Variants in ZMYM4 observed in about 807,000 individuals in gnomAD.
The protein encoded by ZMYM4 is zinc finger MYM-type protein 4.
A neutral mutation model predicts 183.2 loss-of-function variants in ZMYM4; 31 were observed. The observed-to-expected ratio is 0.17, with a 90% CI of 0.13 to 0.23. The LOEUF (loss-of-function observed/expected upper bound fraction) is 0.23, where lower values mean the gene tolerates loss of function less well. ZMYM4 is among the 10% of genes least tolerant of loss of function. The pLI, the probability that ZMYM4 is intolerant of heterozygous loss-of-function variation, is 1.00. For synonymous variants in ZMYM4, 592 were observed against 631.2 expected (o/e 0.94, Z 0.93); for missense variants, 1,273 against 1,840.3 (o/e 0.69, Z 5.64).
At chr1:35,378,590 G>A (rs1019968222) in intron 7 of ZMYM4, among the ~76,000 whole-genome samples, 3 of 152,108 alleles carry the variant, frequency 2.0e-5, no homozygotes, top group African/African-American at 7.2e-5. Flanking sequence ...TCTTTTAAGT[G>A]TCCTGGGATT....
chr1:35,343,485 T>C (rs1336243725), intron 2 of ZMYM4, among the ~76,000 whole-genome samples: 1 of 152,224 alleles, frequency 6.6e-6, no homozygotes, highest in Non-Finnish European at 1.5e-5. Flanking sequence ...TTTTTGAGTC[T>C]ATTTTTGGAC....
intron 9 of ZMYM4, among the ~76,000 whole-genome samples, chr1:35,384,510 G>A (rs989835402): frequency 9.2e-5 from 14 of 152,086 alleles, no homozygotes; most frequent in Admixed American, 3.3e-4. Context: ...ATCCCTAATT[G>A]GGTGAAGACT....
chr1:35,335,580 G>A (rs1350009466), intron 2 of ZMYM4, among the ~76,000 whole-genome samples: 1 of 151,794 alleles, frequency 6.6e-6, no homozygotes, highest in Non-Finnish European at 1.5e-5. Flanking sequence ...TGTTGTATGC[G>A]GTTCTTGTTT....
intron 7 of ZMYM4, 62 bp from the exon 8 acceptor site, chr1:35,381,197 T>C (rs1558128520): frequency 7.4e-7 from 1 of 1,346,262 alleles, no homozygotes; most frequent in Non-Finnish European, 1.0e-6. Flanking sequence ...TTATTTTAGC[T>C]CACAGAAAGG....
At chr1:35,305,148 A>G (rs1641477570) in intron 1 of ZMYM4, among the ~76,000 whole-genome samples, 1 of 152,116 alleles carries the variant, frequency 6.6e-6, no homozygotes, top group Admixed American at 6.5e-5. Flanking sequence ...CCAGCCCACA[A>G]GTAAACTTTA....
chr1:35,391,108 A>G (rs568269738), intron 15 of ZMYM4, among the ~76,000 whole-genome samples: 2 of 152,352 alleles, frequency 1.3e-5, no homozygotes, highest in South Asian at 4.1e-4. Context: ...CTGTAAAGGA[A>G]TTTACCAAGA....
chr1:35,386,983 T>G lies in ZMYM4; in HGVS notation c.1837-20T>G. The G allele has an allele frequency of 6.2e-7, 1 of 1,607,210 alleles. No individual in the cohort carries two copies. The highest frequency in any genetic ancestry group is 8.5e-7 in the Non-Finnish European group (1 of 1,175,586). The stretch of plus-strand genomic sequence containing the variant: ...TTAACAAAGATTAAATTGATACTTT[T>G]TGTTGTTTTGTTTTTCCAGAATTTA... On this transcript the variant is annotated intron_variant, in intron 11 of 29. Coordinates refer to ENST00000314607, the MANE Select transcript of ZMYM4 (RefSeq NM_005095.3).
intron 1 of ZMYM4, among the ~76,000 whole-genome samples, chr1:35,297,493 T>C (rs1275556408): frequency 6.8e-6 from 1 of 146,092 alleles, no homozygotes; most frequent in African/African-American, 2.6e-5. Context: ...AAAAAAAAAA[T>C]GTATATATAT....
rs183226660 is a variant in ZMYM4, at chr1:35,350,144, T to C, written c.86-8781T>C. On this transcript the variant is annotated intron_variant, in intron 2 of 29. Transcript: ENST00000314607. ...TGCCTGGCTTGTTTTTTAATTTTAT[T>C]TGTAGAGACGAGGTCTTGCTGTGTT... 1.2e-3 allele frequency among the ~76,000 whole-genome samples: 185 copies of C among 150,972 alleles called. 1 individual carries two copies. The highest frequency in any genetic ancestry group is 3.9e-3 in the African/African-American group (162 of 41,148).
chr1:35,269,074 C>A lies in ZMYM4; in HGVS notation c.28C>A (p.Pro10Thr), dbSNP rs1405457970. 3 of 1,549,478 alleles carry A rather than the reference C, an allele frequency of 1.9e-6. No individual in the cohort carries two copies. The Admixed American group carries it at 5.9e-5, about 30-fold the overall frequency. Residue 10 changes from proline to threonine, a missense_variant, in exon 1 of 30, where the codon CCC becomes ACC. Coordinates refer to ENST00000314607, the MANE Select transcript of ZMYM4 (RefSeq NM_005095.3). MAEREVESG[P>T]RKRFEQKSGA... ...GGCGGAGAGAGAGGTGGAGTCCGGCCCCCGAAAGAGGGTAGGTGAGGTGAG... is the reference window on the plus strand; with the variant it reads ...GGCGGAGAGAGAGGTGGAGTCCGGCACCCGAAAGAGGGTAGGTGAGGTGAG...
chr1:35,390,596 G>A (rs1012278236), intron 15 of ZMYM4, among the ~76,000 whole-genome samples: 2 of 152,108 alleles, frequency 1.3e-5, no homozygotes, highest in Non-Finnish European at 2.9e-5. Context: ...GGCAGGAACC[G>A]GCCATCTGGA....
intron 1 of ZMYM4, among the ~76,000 whole-genome samples, chr1:35,299,172 T>G (rs1641158614): frequency 6.6e-6 from 1 of 151,972 alleles, no homozygotes; most frequent in South Asian, 2.1e-4. Flanking sequence ...CTGGTGTAGT[T>G]TTGAGAGATA....
chr1:35,341,822 G>A (rs899132559), intron 2 of ZMYM4, among the ~76,000 whole-genome samples: 1 of 152,088 alleles, frequency 6.6e-6, no homozygotes, highest in Non-Finnish European at 1.5e-5. Flanking sequence ...GGGGCTGATT[G>A]TAGTTGGTTT....
At chr1:35,299,544 T>A (rs1431233913) in intron 1 of ZMYM4, among the ~76,000 whole-genome samples, 2 of 152,168 alleles carry the variant, frequency 1.3e-5, no homozygotes, top group African/African-American at 4.8e-5. Context: ...GAGGCTGAAG[T>A]TAAGTTACAA....
Position 35,381,554 on chromosome 1 carries a change from T to G in ZMYM4, c.1365T>G (p.His455Gln). 1 of 1,614,200 alleles carries G rather than the reference T, an allele frequency of 6.2e-7. No homozygotes were observed. Among genetic ancestry groups the G allele is most frequent in the Non-Finnish European group, 8.5e-7 (1 of 1,180,014 alleles). ...SMCQKNAVIR[H>Q]EVNYQNVVHK... ...TGTTATTTAATTTCTAGATTCGACA[T>G]GAAGTTAATTACCAGAATGTGGTCC... The change falls in exon 9 of 30, where the codon CAT becomes CAG. Residue 455 changes from histidine (H) to glutamine (Q), a missense_variant. Physicochemically the swap from His to Gln is conservative, Grantham distance 24 (BLOSUM62 0). Transcript: ENST00000314607.
intron 1 of ZMYM4, among the ~76,000 whole-genome samples, chr1:35,311,144 G>T (rs1315177264): frequency 6.6e-6 from 1 of 152,036 alleles, no homozygotes; most frequent in Non-Finnish European, 1.5e-5. Flanking sequence ...AGAAGGCCAG[G>T]CATTGTGGCT....
At chr1:35,374,027 T>C (rs1644278380) in intron 7 of ZMYM4, among the ~76,000 whole-genome samples, 1 of 137,106 alleles carries the variant, frequency 7.3e-6, no homozygotes, top group Non-Finnish European at 1.6e-5. Context: ...TTCTTTTTTT[T>C]TTTTTTTTTT....
chr1:35,306,711 T>A (rs1411978980), intron 1 of ZMYM4, among the ~76,000 whole-genome samples: 1 of 152,238 alleles, frequency 6.6e-6, no homozygotes, highest in Non-Finnish European at 1.5e-5. Context: ...GTTTTATGTC[T>A]TGTTTCTTTT....
rs1190874756 is a variant in ZMYM4, at chr1:35,268,926, G to C, written c.-121G>C. The C allele has an allele frequency of 3.4e-6, 4 of 1,184,892 alleles. No individual in the cohort carries two copies. The highest frequency in any genetic ancestry group is 3.3e-6 in the Non-Finnish European group (3 of 923,026). The allele number at this position is 1,184,892 out of a possible 1,614,324, so 73.4% of individuals were successfully genotyped here. ...CCTCCCCACTCTCGGCGCAAGGCCCGGCCGGGTCCGGGGAAGCTGCCGCGA... is the reference window on the plus strand; with the variant it reads ...CCTCCCCACTCTCGGCGCAAGGCCCCGCCGGGTCCGGGGAAGCTGCCGCGA... On this transcript the variant is annotated 5_prime_UTR_variant, in exon 1 of 30. Transcript: ENST00000314607.
Sources: allele counts gnomAD v4.1 joint callset (sites outside exome capture counted in the v4.1 genomes callset), GRCh38; gene constraint gnomAD v4.1.1; transcripts MANE v1.5; gene names NCBI Gene and HGNC (gene_info 2026-07-23, HGNC 2026-07-21).